Variants in DSCAML1 observed in about 807,000 individuals in gnomAD.
DSCAML1 encodes cell adhesion molecule DSCAML1.
A neutral mutation model predicts 200.5 loss-of-function variants in DSCAML1; 38 were observed. That is an observed-to-expected ratio of 0.19 (90% CI 0.15 to 0.25). DSCAML1 has a LOEUF of 0.25. Among genes scored for constraint, DSCAML1 ranks in the 10% least tolerant of loss-of-function variants. DSCAML1 has a pLI of 1.00. For missense variants in DSCAML1, 2,223 were observed against 2,858.8 expected, an observed-to-expected ratio of 0.78 and a Z score of 5.07; for synonymous variants, 1,215 against 1,165.0, an observed-to-expected ratio of 1.04 and a Z score of -0.87.
intron 3 of DSCAML1, among the ~76,000 whole-genome samples, chr11:117,541,180 GACTT>G (rs2050262462): frequency 6.6e-6 from 1 of 152,176 alleles, no homozygotes; most frequent in South Asian, 2.1e-4. Context: ...CTTTTTCCTT[GACTT>G]ACTTCTGGCC....
chr11:117,604,641 T>G (rs1018576981), intron 3 of DSCAML1, among the ~76,000 whole-genome samples: 7 of 152,246 alleles, frequency 4.6e-5, no homozygotes, highest in Non-Finnish European at 1.5e-5. Flanking sequence ...GCCCGTTTGT[T>G]CACAGACATC....
chr11:117,758,698 G>C (rs372129180), intron 3 of DSCAML1, among the ~76,000 whole-genome samples: 1 of 152,106 alleles, frequency 6.6e-6, no homozygotes, highest in African/African-American at 2.4e-5. Flanking sequence ...CAAAGCGCCC[G>C]GCCGGCAGAA....
chr11:117,539,121 T>C (rs1032510298), intron 3 of DSCAML1, among the ~76,000 whole-genome samples: 1 of 152,166 alleles, frequency 6.6e-6, no homozygotes, highest in Non-Finnish European at 1.5e-5. Context: ...TTCCCAAAAC[T>C]CTACGGCAGT....
chr11:117,798,766 T>TTAAACGGGTGAGAAAATCGGGGC (rs2055627619), upstream of DSCAML1, among the ~76,000 whole-genome samples: 1 of 152,130 alleles, frequency 6.6e-6, no homozygotes, highest in East Asian at 1.9e-4. Context: ...GGTTCGTCCT[T>TTAAACGGGTGAGAAAATCGGGGC]TAAACGGGTG....
chr11:117,748,396 A>G (rs2054551093), intron 3 of DSCAML1, among the ~76,000 whole-genome samples: 1 of 152,144 alleles, frequency 6.6e-6, no homozygotes, highest in Non-Finnish European at 1.5e-5. Context: ...TCATACAATA[A>G]GCCTGCTCCC....
At chr11:117,701,123 G>A (rs368503222) in intron 3 of DSCAML1, among the ~76,000 whole-genome samples, 7 of 152,156 alleles carry the variant, frequency 4.6e-5, no homozygotes, top group East Asian at 3.9e-4. Flanking sequence ...AAAATTAGCC[G>A]GGCATGGTGG....
chr11:117,671,251 C>A (rs1039204206), intron 3 of DSCAML1, among the ~76,000 whole-genome samples: 1 of 152,226 alleles, frequency 6.6e-6, no homozygotes, highest in Non-Finnish European at 1.5e-5. Flanking sequence ...TTTTAGAAAT[C>A]ATGGAGCCCC....
chr11:117,434,082 C>T lies in DSCAML1; in HGVS notation c.4877-611G>A, dbSNP rs146925446. 2.3e-3 allele frequency among the ~76,000 whole-genome samples: 355 copies of T among 152,290 alleles called. 2 individuals are homozygous for T. Among genetic ancestry groups the T allele is most frequent in the African/African-American group, 8.3e-3 (344 of 41,566 alleles). ...TAAAGGGCCTAGTTAATTTATTAGA[C>T]CCCTGATACCTGAGAATGAGCTGTC... is the stretch of plus-strand genomic sequence containing the variant. On this transcript the variant is annotated intron_variant, in intron 27 of 32. Transcript: ENST00000651296.
chr11:117,742,193 A>G (rs1232359286), intron 3 of DSCAML1, among the ~76,000 whole-genome samples: 2 of 152,200 alleles, frequency 1.3e-5, no homozygotes, highest in African/African-American at 4.8e-5. Context: ...TCCTGAGTTC[A>G]GGCCCTCACT....
intron 3 of DSCAML1, among the ~76,000 whole-genome samples, chr11:117,742,528 A>G (rs546254462): frequency 1.3e-3 from 205 of 152,256 alleles, no homozygotes; most frequent in Middle Eastern, 3.4e-3. Flanking sequence ...TAACACTCTG[A>G]GCTTGGAGGA....
intron 3 of DSCAML1, among the ~76,000 whole-genome samples, chr11:117,578,662 G>A (rs2050992419): frequency 6.6e-6 from 1 of 152,118 alleles, no homozygotes; most frequent in Admixed American, 6.5e-5. Flanking sequence ...AGAGCAAGAT[G>A]TGGTCTCAAA....
intron 3 of DSCAML1, among the ~76,000 whole-genome samples, chr11:117,552,264 G>A (rs991225277): frequency 4.6e-5 from 7 of 152,110 alleles, no homozygotes; most frequent in Non-Finnish European, 1.0e-4. Context: ...TGGGAGGAAA[G>A]CAGGTGCCTT....
At chr11:117,431,136 T>C in intron 31 of DSCAML1, 103 bp from the exon 32 acceptor site, 3 of 1,209,092 alleles carry the variant, frequency 2.5e-6, no homozygotes, top group Non-Finnish European at 3.5e-6. Context: ...TCTGTAAGTC[T>C]GGCCATGGAG....
chr11:117,747,335 G>A (rs573169472), intron 3 of DSCAML1, among the ~76,000 whole-genome samples: 1 of 152,206 alleles, frequency 6.6e-6, no homozygotes, highest in Admixed American at 6.5e-5. Flanking sequence ...CAAATTCAAG[G>A]TACTATATTG....
chr11:117,783,108 C>T (rs921405041), intron 1 of DSCAML1, among the ~76,000 whole-genome samples: 14 of 152,194 alleles, frequency 9.2e-5, no homozygotes, highest in African/African-American at 3.1e-4. Flanking sequence ...CACACACATA[C>T]ATGCACATAC....
chr11:117,512,795 A>ACACACACC (rs2137295824), intron 8 of DSCAML1, among the ~76,000 whole-genome samples: 1 of 147,058 alleles, frequency 6.8e-6, no homozygotes, highest in East Asian at 2.2e-4. Flanking sequence ...ACACACACAC[A>ACACACACC]CACACACCCC....
intron 8 of DSCAML1, among the ~76,000 whole-genome samples, chr11:117,507,972 C>T (rs1195931320): frequency 1.3e-5 from 2 of 152,172 alleles, no homozygotes; most frequent in African/African-American, 4.8e-5. Context: ...AATGCCCATT[C>T]CTGAGACCTC....
At position 117,695,318 on chromosome 11, in the gene DSCAML1, T is replaced by TC. The variant is rs1182670960; in HGVS notation, c.511+81472_511+81473insG. ...TTTCTTTTCTTTCTTTCTTTTTCTTTTTTTTTTTTTTTTTTTGCTAACCAA... is the reference window on the plus strand; with the variant it reads ...TTTCTTTTCTTTCTTTCTTTTTCTTTCTTTTTTTTTTTTTTTTGCTAACCAA... On this transcript the variant is annotated intron_variant, in intron 3 of 32. Coordinates refer to ENST00000651296, the MANE Select transcript of DSCAML1 (RefSeq NM_020693.4). Among the ~76,000 whole-genome samples, 213 of 130,482 alleles carry TC rather than the reference T, an allele frequency of 1.6e-3. 1 individual carries two copies. Among genetic ancestry groups the TC allele is most frequent in the African/African-American group, 7.9e-3 (196 of 24,682 alleles). The allele number at this position is 130,482 out of a possible 152,430, so 85.6% of individuals were successfully genotyped here.
chr11:117,763,233 G>A (rs547535568), intron 3 of DSCAML1, among the ~76,000 whole-genome samples: 15 of 152,174 alleles, frequency 9.9e-5, no homozygotes, highest in Non-Finnish European at 2.2e-4. Flanking sequence ...AGTCCCCTGG[G>A]GAGCTTTCGA....
Sources: gnomAD v4.1 joint callset for allele counts (sites outside exome capture counted in the v4.1 genomes callset) on GRCh38, gnomAD v4.1.1 for gene constraint, MANE v1.5 for transcripts, NCBI Gene and HGNC (gene_info 2026-07-23, HGNC 2026-07-21) for gene names.